The following ZNF674 variants were observed in gnomAD, a reference collection of about 807,000 sequenced individuals.
The protein encoded by ZNF674 is zinc finger protein 674.
ZNF674 carries 2 observed loss-of-function variants against 7.0 expected under a neutral mutation model. The ratio of observed to expected loss-of-function variants is 0.29; its 90% CI spans 0.12 to 0.90. The LOEUF (loss-of-function observed/expected upper bound fraction) is 0.90, where lower values mean the gene tolerates loss of function less well. Among genes scored for constraint, ZNF674 ranks in the 40% least tolerant of loss-of-function variants. The probability of loss-of-function intolerance (pLI) is 0.57; values close to 1 mark genes in which losing one functional copy is unlikely to be tolerated. For synonymous variants in ZNF674, 103 were observed against 145.2 expected, an observed-to-expected ratio of 0.71 and a Z score of 2.09; for missense variants, 297 against 415.5, an observed-to-expected ratio of 0.71 and a Z score of 2.48.
intron 3 of ZNF674, among the ~76,000 whole-genome samples, chrX:46,541,577 C>T (rs1042976647): frequency 4.5e-5 from 5 of 111,309 alleles, no homozygotes; most frequent in Non-Finnish European, 7.5e-5. Flanking sequence ...TATACGTGTA[C>T]GTTTTTAGTT....
At chrX:46,505,088 C>T (rs188119496) in intron 5 of ZNF674, among the ~76,000 whole-genome samples, 25 of 110,059 alleles carry the variant, frequency 2.3e-4, no homozygotes, top group African/African-American at 7.9e-4. Context: ...CGGGGTTTCA[C>T]CGTTTTGGTC....
intron 5 of ZNF674, among the ~76,000 whole-genome samples, chrX:46,523,978 G>T (rs2146606299): frequency 9.2e-6 from 1 of 109,139 alleles, no homozygotes; most frequent in Admixed American, 9.9e-5. Flanking sequence ...AGAGGTAGAG[G>T]TTGTGGTGAG....
chrX:46,500,321 C>T lies in ZNF674; in HGVS notation c.1253G>A (p.Ser418Asn). 1 of 1,209,362 alleles carries T rather than the reference C, an allele frequency of 8.3e-7. No homozygotes were observed. Among genetic ancestry groups the T allele is most frequent in the Admixed American group, 2.2e-5 (1 of 46,048 alleles). ...YECSICGKTF[S>N]GKSHLSVHHR... ...ATGGACAGAGAGGTGTGACTTTCCA[C>T]TGAAAGTCTTCCCACATATACTACA... The change falls in exon 6 of 6, where the codon AGT becomes AAT. Residue 418 changes from serine (S) to asparagine (N), a missense_variant. Transcript: ENST00000683375.
intron 5 of ZNF674, among the ~76,000 whole-genome samples, chrX:46,526,575 G>A (rs1181896886): frequency 9.0e-6 from 1 of 110,900 alleles, no homozygotes; most frequent in Non-Finnish European, 1.9e-5. Flanking sequence ...ACTGTGCCCG[G>A]CCATTCAAAG....
intron 3 of ZNF674, among the ~76,000 whole-genome samples, chrX:46,532,079 C>T (rs1325938591): frequency 3.6e-5 from 4 of 111,270 alleles, no homozygotes; most frequent in East Asian, 2.8e-4. Context: ...GCAGGGGAAT[C>T]GCTTGAAACC....
chrX:46,509,700 A>T (rs1429506955), intron 5 of ZNF674, among the ~76,000 whole-genome samples: 2 of 95,631 alleles, frequency 2.1e-5, no homozygotes, highest in Non-Finnish European at 4.2e-5. Context: ...GGGACTGTAA[A>T]CTAGTTCAAC....
chrX:46,529,902 T>C (rs1942080105), intron 3 of ZNF674, among the ~76,000 whole-genome samples: 1 of 111,356 alleles, frequency 9.0e-6, no homozygotes, highest in African/African-American at 3.3e-5. Context: ...CAAACAGTTC[T>C]AAACATAGCT....
At chrX:46,504,008 T>C (rs1341895031) in intron 5 of ZNF674, among the ~76,000 whole-genome samples, 6 of 110,113 alleles carry the variant, frequency 5.4e-5, no homozygotes, top group Non-Finnish European at 1.1e-4. Context: ...CACTACACTC[T>C]AGCCTGGGTG....
intron 5 of ZNF674, among the ~76,000 whole-genome samples, chrX:46,519,262 A>T (rs1941848755): frequency 3.7e-5 from 2 of 53,348 alleles, no homozygotes; most frequent in African/African-American, 1.4e-4. Context: ...AGATAGATAG[A>T]TAAAGATAGA....
intron 5 of ZNF674, among the ~76,000 whole-genome samples, chrX:46,505,693 C>T (rs1941521622): frequency 9.0e-6 from 1 of 110,514 alleles, no homozygotes; most frequent in Admixed American, 9.7e-5. Context: ...ACCGCTTGAA[C>T]CTGGGACACA....
chrX:46,505,431 T>G (rs1271101828), intron 5 of ZNF674, among the ~76,000 whole-genome samples: 1 of 111,638 alleles, frequency 9.0e-6, no homozygotes, highest in Non-Finnish European at 1.9e-5. Flanking sequence ...ATTTCACGAC[T>G]TTAGAAATTA....
At position 46,499,953 on chromosome X, in the gene ZNF674, T is replaced by C; in HGVS notation, c.1621A>G (p.Thr541Ala). 2 of 1,201,816 alleles carry C rather than the reference T, an allele frequency of 1.7e-6. No individual in the cohort carries two copies. The highest frequency in any genetic ancestry group is 2.2e-6 in the Non-Finnish European group (2 of 889,556). The stretch of plus-strand genomic sequence containing the variant: ...TCATAAGGTTTCTCTCCTGTATGAG[T>C]TCTGTGATGCACAATGAGAGTTGAT... ...VKSTLIVHHR[T>A]HTGEKPYECR... Residue 541 changes from threonine to alanine, a missense_variant, in exon 6 of 6, where the codon ACT (threonine) becomes GCT (alanine). Transcript: ENST00000683375.
intron 3 of ZNF674, among the ~76,000 whole-genome samples, chrX:46,540,921 G>A (rs973680946): frequency 3.7e-5 from 4 of 108,569 alleles, no homozygotes; most frequent in Non-Finnish European, 3.8e-5. Flanking sequence ...AATATTAGCC[G>A]GGTGTGGTGG....
intron 5 of ZNF674, among the ~76,000 whole-genome samples, chrX:46,503,271 A>G (rs1458863380): frequency 1.8e-5 from 2 of 112,493 alleles, no homozygotes; most frequent in Non-Finnish European, 3.7e-5. Context: ...CTCTATACCC[A>G]GATAAATTAT....
chrX:46,508,005 A>G (rs1048947249), intron 5 of ZNF674, among the ~76,000 whole-genome samples: 1 of 110,791 alleles, frequency 9.0e-6, no homozygotes, highest in African/African-American at 3.3e-5. Context: ...GTTTCACCAC[A>G]TTTATTTTAT....
chrX:46,508,983 G>A (rs1184699487), intron 5 of ZNF674, among the ~76,000 whole-genome samples: 7 of 110,659 alleles, frequency 6.3e-5, no homozygotes, highest in Admixed American at 2.9e-4. Context: ...AAATAATGCC[G>A]CATATCGACA....
intron 5 of ZNF674, among the ~76,000 whole-genome samples, chrX:46,524,193 C>T (rs1391808157): frequency 1.8e-5 from 2 of 112,095 alleles, no homozygotes; most frequent in African/African-American, 6.5e-5. Context: ...GAAACACTTC[C>T]CAACTCATTT....
At chrX:46,526,274 CT>C (rs1262516074) in intron 5 of ZNF674, among the ~76,000 whole-genome samples, 3 of 111,562 alleles carry the variant, frequency 2.7e-5, no homozygotes, top group Non-Finnish European at 5.6e-5. Context: ...AGACACATCT[CT>C]GTTCAACTGT....
In ZNF674 at chrX:46,519,258, ATAGATAAAGATAGATGATAGAT is replaced by A. The variant is rs1569476337; in HGVS notation, c.238+9070_238+9091del. 7.7e-4 allele frequency among the ~76,000 whole-genome samples: 51 copies of A among 65,851 alleles called. 1 individual carries two copies. Among genetic ancestry groups the A allele is most frequent in the African/African-American group, 2.9e-3 (50 of 17,362 alleles). The allele number at this position is 65,851 out of a possible 115,157, so 57.2% of individuals were successfully genotyped here. ...GATAGATAGATAGATAGATAGATAGATAGATAAAGATAGATGATAGATAGATAGATAGATAGATAGATAGATA... is the reference window on the plus strand; with the variant it reads ...GATAGATAGATAGATAGATAGATAGAAGATAGATAGATAGATAGATAGATA... On this transcript the variant is annotated intron_variant, in intron 5 of 5. Coordinates refer to ENST00000683375, the MANE Select transcript of ZNF674 (RefSeq NM_001190417.2).
Sources: allele counts gnomAD v4.1 joint callset (sites outside exome capture counted in the v4.1 genomes callset), GRCh38; gene constraint gnomAD v4.1.1; transcripts MANE v1.5; gene names NCBI Gene and HGNC (gene_info 2026-07-23, HGNC 2026-07-21).